The following ABCG5 variants were observed in gnomAD, a reference collection of about 807,000 sequenced individuals.
The protein encoded by ABCG5 is ATP binding cassette subfamily G member 5, also known as ATP-binding cassette sub-family G member 5.
In ABCG5, 64 loss-of-function variants were observed where a neutral mutation model predicts 64.5. That is an observed-to-expected ratio of 0.99 (90% confidence interval 0.81 to 1.22). The LOEUF is 1.22. ABCG5 is among the 50% of genes most tolerant of loss of function. The pLI is 0.00. For synonymous variants in ABCG5, 385 were observed against 326.3 expected, an observed-to-expected ratio of 1.18 and a Z score of -1.94; for missense variants, 908 against 829.5, an observed-to-expected ratio of 1.09 and a Z score of -1.16.
At chr2:43,819,123 T>A (rs1421470899) in intron 11 of ABCG5, among the ~76,000 whole-genome samples, 1 of 152,198 alleles carries the variant, frequency 6.6e-6, no homozygotes, top group Non-Finnish European at 1.5e-5. Flanking sequence ...GCTTTTGCTT[T>A]TTGACTTGAT....
chr2:43,819,339 T>G (rs1366086823), intron 11 of ABCG5, among the ~76,000 whole-genome samples: 1 of 152,146 alleles, frequency 6.6e-6, no homozygotes, highest in Non-Finnish European at 1.5e-5. Context: ...AGAACATTGA[T>G]AAAATACAGA....
intron 11 of ABCG5, among the ~76,000 whole-genome samples, chr2:43,815,165 A>G (rs1666735223): frequency 6.6e-6 from 1 of 152,234 alleles, no homozygotes; most frequent in Admixed American, 6.5e-5. Context: ...AGGAAAAAGG[A>G]AGGAGAGACC....
intron 5 of ABCG5, among the ~76,000 whole-genome samples, 192 bp downstream of exon 5, chr2:43,827,791 G>A (rs908390799): frequency 3.3e-5 from 5 of 152,162 alleles, no homozygotes; most frequent in African/African-American, 1.2e-4. Flanking sequence ...TTGTTTGGAT[G>A]ATGGAATCGC....
At chr2:43,822,487 C>CCCCA in intron 10 of ABCG5, 1 of 931,944 alleles carries the variant, frequency 1.1e-6, no homozygotes, top group Non-Finnish European at 1.3e-6. Flanking sequence ...GGCCCCCCCC[C>CCCCA]ATGCACCTGG....
At chr2:43,821,667 G>A (rs1020277269) in intron 10 of ABCG5, among the ~76,000 whole-genome samples, 33 of 152,192 alleles carry the variant, frequency 2.2e-4, no homozygotes, top group African/African-American at 7.2e-4. Context: ...CTGCCACTTT[G>A]CCTCAGCTGG....
chr2:43,819,527 G>A (rs1667052372), intron 11 of ABCG5, among the ~76,000 whole-genome samples: 2 of 151,450 alleles, frequency 1.3e-5, no homozygotes, highest in East Asian at 3.9e-4. Context: ...GAATAACTGG[G>A]AATTGAGAAC....
At chr2:43,832,150 A>G (rs968420641) in intron 2 of ABCG5, 67 bp from the exon 3 acceptor site, 5 of 1,549,532 alleles carry the variant, frequency 3.2e-6, no homozygotes, top group Admixed American at 2.0e-5. Context: ...GCTTCCCGAG[A>G]CCCTCTGTGC....
chr2:43,831,756 G>A lies in ABCG5; in HGVS notation c.501+13C>T. 1 of 1,566,740 alleles carries A rather than the reference G, an allele frequency of 6.4e-7. No individual in the cohort carries two copies. The highest frequency in any genetic ancestry group is 8.6e-7 in the Non-Finnish European group (1 of 1,157,374). The stretch of plus-strand genomic sequence containing the variant: ...ACTCAGTTTGCCCTCTGTGAGCGGG[G>A]GGCTGCACCCACCTTCTTCTGGAAG... On this transcript the variant is annotated intron_variant, in intron 4 of 12. Transcript: ENST00000405322.
At position 43,838,761 on chromosome 2, in the gene ABCG5, G is replaced by A. The variant is rs1668446031; in HGVS notation, c.-82C>T. ...GGCTTCAGTTGGGGAGCCCGTGGCA[G>A]ACTGCCCTGCCTGCTCCACCTGACC... On this transcript the variant is annotated 5_prime_UTR_variant, in exon 1 of 13. Transcript: ENST00000405322. This position sits in a 1 kb window ranked among gnomAD's most constrained non-coding sequence, Gnocchi z 4.2. 2.8e-5 allele frequency: 44 copies of A among 1,573,102 alleles called. No individual in the cohort carries two copies. In the South Asian group the frequency reaches 5.0e-4, roughly 18 times the overall value.
intron 2 of ABCG5, among the ~76,000 whole-genome samples, chr2:43,833,044 A>G (rs1234799595): frequency 6.6e-6 from 1 of 152,160 alleles, no homozygotes; most frequent in East Asian, 1.9e-4. Context: ...TCCTGACCTC[A>G]GGTGATCCTC....
rs1283097811 is a variant in ABCG5, at chr2:43,819,979, T to C, written c.1585A>G (p.Ile529Val). 2 of 1,614,176 alleles carry C rather than the reference T, an allele frequency of 1.2e-6. No homozygotes were observed. Among genetic ancestry groups the C allele is most frequent in the African/African-American group, 2.7e-5 (2 of 75,042 alleles). Residue 529 changes from isoleucine to valine, a missense_variant, in exon 11 of 13, where the codon ATA becomes GTA. Coordinates refer to ENST00000405322, the MANE Select transcript of ABCG5 (RefSeq NM_022436.3). The stretch of plus-strand genomic sequence containing the variant: ...AGCAGAGCCACTACACTGTTGACTA[T>C]ATTTGGATTTTGGACGATACCAAGT... The part of the protein sequence containing the change: ...VLLGIVQNPN[I>V]VNSVVALLSI...
In ABCG5 at chr2:43,823,900, C is replaced by G; in HGVS notation, c.1324+13G>C. The G allele has an allele frequency of 1.2e-6, 2 of 1,612,996 alleles. No homozygotes were observed. Among genetic ancestry groups the G allele is most frequent in the Non-Finnish European group, 1.7e-6 (2 of 1,179,134 alleles). ...GGGAGAAAGAGGTGCACCTCCAGCACGTGGGCACTTACACAGATTCACAGC... is the reference window on the plus strand; with the variant it reads ...GGGAGAAAGAGGTGCACCTCCAGCAGGTGGGCACTTACACAGATTCACAGC... On this transcript the variant is annotated intron_variant, in intron 9 of 12. Coordinates refer to ENST00000405322, the MANE Select transcript of ABCG5 (RefSeq NM_022436.3).
In ABCG5 at chr2:43,838,198, T is replaced by TGGCTG. The variant is rs1668404404; in HGVS notation, c.144-248_144-244dup. 1 of 600,922 alleles carries TGGCTG rather than the reference T, an allele frequency of 1.7e-6. No individual in the cohort carries two copies. The highest frequency in any genetic ancestry group is 3.0e-5 in the Admixed American group (1 of 33,704). The allele number at this position is 600,922 out of a possible 1,614,324, so 37.2% of individuals were successfully genotyped here. On this transcript the variant is annotated intron_variant, in intron 1 of 12. Coordinates refer to ENST00000405322, the MANE Select transcript of ABCG5 (RefSeq NM_022436.3). The surrounding 1 kb of genome is among the most constrained non-coding windows in gnomAD (Gnocchi z 4.2). ...ATGTCCTGTCCGTTTGGCTGCGAGG[T>TGGCTG]GGCTGTCCCTGCATTCTTTCACCAG... is the stretch of plus-strand genomic sequence containing the variant.
chr2:43,811,036 G>A (rs1356702892), downstream of ABCG5, among the ~76,000 whole-genome samples: 2 of 152,186 alleles, frequency 1.3e-5, no homozygotes, highest in Non-Finnish European at 2.9e-5. Context: ...TGTGATGTCA[G>A]TTTTCCAAAT....
chr2:43,820,218 A>T, intron 10 of ABCG5, 118 bp from the exon 11 acceptor site: 1 of 1,202,876 alleles, frequency 8.3e-7, no homozygotes, highest in Non-Finnish European at 1.2e-6. Flanking sequence ...TTTGCAGGGC[A>T]AGCCACACTC....
chr2:43,824,155 A>G (rs759493504), intron 8 of ABCG5, 37 bp from the exon 9 acceptor site: 56 of 1,613,960 alleles, frequency 3.5e-5, no homozygotes, highest in Non-Finnish European at 4.7e-5. Flanking sequence ...TCCTTTTCAG[A>G]ATTGTTATTG....
downstream of ABCG5, among the ~76,000 whole-genome samples, chr2:43,810,782 T>C (rs1401807020): frequency 1.3e-5 from 2 of 152,190 alleles, no homozygotes; most frequent in Admixed American, 6.5e-5. Flanking sequence ...ACACGTTTCT[T>C]GCTGAGTGCT....
At position 43,820,071 on chromosome 2, in the gene ABCG5, C is replaced by T. The variant is rs773205877; in HGVS notation, c.1493G>A (p.Arg498Gln). The T allele has an allele frequency of 8.7e-6, 14 of 1,614,088 alleles. No homozygotes were observed. The highest frequency in any genetic ancestry group is 1.6e-4 in the Middle Eastern group (1 of 6,062). Residue 498 changes from arginine (R) to glutamine (Q), a missense_variant, in exon 11 of 13, where the codon CGA (arginine) becomes CAA (glutamine). Transcript: ENST00000405322. Reference protein sequence around the residue: ...WTLGLHPEVARFGYFSAALLA... With the variant: ...WTLGLHPEVAQFGYFSAALLA... ...GAGAGCAGCAGAAAAATATCCAAATCGGGCAACCTCAGGATGTAAGCCCAG... is the reference window on the plus strand; with the variant it reads ...GAGAGCAGCAGAAAAATATCCAAATTGGGCAACCTCAGGATGTAAGCCCAG...
chr2:43,812,226 T>C (rs1219409208), downstream of ABCG5, among the ~76,000 whole-genome samples: 1 of 152,084 alleles, frequency 6.6e-6, no homozygotes, highest in Non-Finnish European at 1.5e-5. Context: ...ATGTCAGCAT[T>C]TTTTTCTATA....
Sources: allele counts gnomAD v4.1 joint callset (sites outside exome capture counted in the v4.1 genomes callset), GRCh38; gene constraint gnomAD v4.1.1; non-coding constraint Gnocchi (gnomAD v3.1); transcripts MANE v1.5; gene names NCBI Gene and HGNC (gene_info 2026-07-23, HGNC 2026-07-21).